The following CCDC144A variants were observed in gnomAD, a reference collection of about 807,000 sequenced individuals.
CCDC144A encodes coiled-coil domain-containing protein 144A.
CCDC144A carries 41 observed loss-of-function variants against 143.8 expected under a neutral mutation model. That is an observed-to-expected ratio of 0.29 (90% CI 0.22 to 0.37). The LOEUF is 0.37. Among genes scored for constraint, CCDC144A ranks in the 10% least tolerant of loss-of-function variants. The probability of loss-of-function intolerance (pLI) is 1.00; values close to 1 mark genes in which losing one functional copy is unlikely to be tolerated. For synonymous variants in CCDC144A, 242 were observed against 517.9 expected (o/e 0.47, Z 7.23); for missense variants, 637 against 1,488.8 (o/e 0.43, Z 9.41).
intron 15 of CCDC144A, among the ~76,000 whole-genome samples, chr17:16,769,151 C>G (rs538998173): frequency 1.3e-5 from 2 of 152,194 alleles, no homozygotes; most frequent in East Asian, 3.9e-4. Context: ...GTGCATGCTG[C>G]TTACTGCAGA....
chr17:16,759,017 C>A (rs1208589415), intron 12 of CCDC144A, among the ~76,000 whole-genome samples: 1 of 152,238 alleles, frequency 6.6e-6, no homozygotes, highest in Non-Finnish European at 1.5e-5. Context: ...ATTTGAGGCA[C>A]CACCTTAAAT....
the CCDC144A span, among the ~76,000 whole-genome samples, chr17:16,667,401 C>G: frequency 1.3e-5 from 2 of 150,122 alleles, no homozygotes; most frequent in Non-Finnish European, 3.0e-5. Context: ...CTTGAGGGGC[C>G]GAGCGGATAA....
chr17:16,758,471 C>A (rs1191011915), intron 12 of CCDC144A, among the ~76,000 whole-genome samples: 1 of 152,206 alleles, frequency 6.6e-6, no homozygotes, highest in Non-Finnish European at 1.5e-5. Context: ...ACTAAAGGGA[C>A]AACTTGTCTA....
chr17:16,675,870 G>A, the CCDC144A span, among the ~76,000 whole-genome samples: 8 of 151,838 alleles, frequency 5.3e-5, no homozygotes, highest in South Asian at 1.5e-3. Flanking sequence ...AGCCTCCCAA[G>A]TAGCTGGGAC....
the CCDC144A span, among the ~76,000 whole-genome samples, chr17:16,673,639 G>T: frequency 6.6e-6 from 1 of 152,030 alleles, no homozygotes; most frequent in Non-Finnish European, 1.5e-5. Flanking sequence ...ATCTGCCTCA[G>T]CCTCCCAAAG....
At chr17:16,692,751 A>C (rs897431923) in intron 1 of CCDC144A, among the ~76,000 whole-genome samples, 2 of 151,562 alleles carry the variant, frequency 1.3e-5, no homozygotes, top group Admixed American at 1.3e-4. Flanking sequence ...AGCTAATGTG[A>C]GTTAATTTAC....
At chr17:16,758,411 C>A (rs1915200862) in intron 12 of CCDC144A, among the ~76,000 whole-genome samples, 1 of 152,196 alleles carries the variant, frequency 6.6e-6, no homozygotes, top group Non-Finnish European at 1.5e-5. Context: ...GTTGTGGTTT[C>A]TGCGGTATAA....
At chr17:16,722,781 TA>T (rs1913168518) in intron 8 of CCDC144A, among the ~76,000 whole-genome samples, 2 of 152,288 alleles carry the variant, frequency 1.3e-5, no homozygotes, top group African/African-American at 4.8e-5. Context: ...AGACAGCGTG[TA>T]GCCTTTAGAC....
At chr17:16,729,963 CATATATATATATAT>C (rs59756018) in intron 9 of CCDC144A, among the ~76,000 whole-genome samples, 2 of 94,096 alleles carry the variant, frequency 2.1e-5, no homozygotes, top group African/African-American at 9.6e-5. Context: ...TAGGTAGTTT[CATATATATATATAT>C]ATATATATAT....
chr17:16,759,704 C>G (rs1915270451), intron 12 of CCDC144A, among the ~76,000 whole-genome samples: 1 of 152,170 alleles, frequency 6.6e-6, no homozygotes, highest in Non-Finnish European at 1.5e-5. Flanking sequence ...TTCTGTAGGT[C>G]CTTTCAGCTT....
chr17:16,754,080 T>C (rs1160095832), intron 12 of CCDC144A, among the ~76,000 whole-genome samples: 1 of 152,222 alleles, frequency 6.6e-6, no homozygotes, highest in Non-Finnish European at 1.5e-5. Context: ...TCCAGGAATG[T>C]ATCCATTTTC....
At chr17:16,685,441 C>G (rs541334090), upstream of CCDC144A, among the ~76,000 whole-genome samples, 1 of 151,776 alleles carries the variant, frequency 6.6e-6, no homozygotes, top group South Asian at 2.1e-4. Flanking sequence ...GTGCAAATGG[C>G]GTGGTCTCGG....
chr17:16,768,626 C>T (rs920978208), intron 15 of CCDC144A, among the ~76,000 whole-genome samples: 2 of 152,208 alleles, frequency 1.3e-5, no homozygotes, highest in Non-Finnish European at 2.9e-5. Context: ...CCCTGGGATC[C>T]TTTGTCCTAT....
intron 6 of CCDC144A, among the ~76,000 whole-genome samples, chr17:16,717,003 C>T (rs1912800194): frequency 6.6e-6 from 1 of 151,184 alleles, no homozygotes; most frequent in South Asian, 2.1e-4. Context: ...TTAGTAGAGA[C>T]GGGGTTTCAC....
At position 16,709,365 on chromosome 17, in the gene CCDC144A, T is replaced by C; in HGVS notation, c.1308T>C (p.Val436=). The change falls in exon 5 of 17, where the codon GTT becomes GTC. Residue 436 remains valine, a synonymous_variant. Coordinates refer to ENST00000399273, the MANE Select transcript of CCDC144A (RefSeq NM_001382000.1). ...AGAAAGCAAGGAACCCAGAAGTGGT[T>C]ATGGTTGAAATGAAAGAAGACCAAG... ...STKKARNPEV[V]MVEMKEDQEF... is the part of the protein sequence containing the mutation. 6.2e-7 allele frequency: 1 copy of C among 1,611,658 alleles called. No homozygotes were observed. Among genetic ancestry groups the C allele is most frequent in the South Asian group, 1.1e-5 (1 of 90,976 alleles).
At chr17:16,669,145 C>T in the CCDC144A span, among the ~76,000 whole-genome samples, 2 of 152,082 alleles carry the variant, frequency 1.3e-5, no homozygotes, top group East Asian at 3.8e-4. Context: ...AGTGAAAATG[C>T]TAATAAAGTC....
chr17:16,688,845 CAT>C (rs1223085776), upstream of CCDC144A, among the ~76,000 whole-genome samples: 2 of 152,068 alleles, frequency 1.3e-5, no homozygotes, highest in Non-Finnish European at 2.9e-5. Flanking sequence ...TTTTCTTATA[CAT>C]AGTTACATTT....
Position 16,709,482 on chromosome 17 carries a change from T to A in CCDC144A, c.1425T>A (p.Asn475Lys). ...AAAGCCTGAAACCTAAATTAGAAAA[T>A]CTGAGTTCTTTACCACCAGATTCTG... The part of the protein sequence containing the change: ...NYKSLKPKLE[N>K]LSSLPPDSDR... The change falls in exon 5 of 17, where the codon AAT (asparagine) becomes AAA (lysine). Residue 475 changes from asparagine (N) to lysine (K), a missense_variant. By Grantham distance (94) the Asn-to-Lys change is moderately conservative. Coordinates refer to ENST00000399273, the MANE Select transcript of CCDC144A (RefSeq NM_001382000.1). 1 of 1,611,474 alleles carries A rather than the reference T, an allele frequency of 6.2e-7. No individual in the cohort carries two copies. The highest frequency in any genetic ancestry group is 8.5e-7 in the Non-Finnish European group (1 of 1,179,600).
At chr17:16,688,484 G>GTTTTTTTTTTTTTTTTTTTTTT (rs66493875), upstream of CCDC144A, among the ~76,000 whole-genome samples, 2 of 71,622 alleles carry the variant, frequency 2.8e-5, no homozygotes, top group Non-Finnish European at 5.1e-5. Flanking sequence ...TTCTTTTTCT[G>GTTTTTTTTTTTTTTTTTTTTTT]TTTTTTTTTT....
Sources: allele counts gnomAD v4.1 joint callset (sites outside exome capture counted in the v4.1 genomes callset), GRCh38; gene constraint gnomAD v4.1.1; transcripts MANE v1.5; gene names NCBI Gene and HGNC (gene_info 2026-07-23, HGNC 2026-07-21).